The following DPP10 variants were observed in gnomAD, a reference collection of about 807,000 sequenced individuals.
The protein encoded by DPP10 is inactive dipeptidyl peptidase 10.
DPP10 carries 33 observed loss-of-function variants against 120.9 expected under a neutral mutation model. The observed-to-expected ratio is 0.27, with a 90% CI of 0.21 to 0.37. The LOEUF is 0.37. Among genes scored for constraint, DPP10 ranks in the 10% least tolerant of loss-of-function variants. The pLI, the probability that DPP10 is intolerant of heterozygous loss-of-function variation, is 1.00. For synonymous variants in DPP10, 337 were observed against 326.1 expected, an observed-to-expected ratio of 1.03 and a Z score of -0.36; for missense variants, 816 against 942.8, an observed-to-expected ratio of 0.87 and a Z score of 1.76.
At chr2:115,603,150 G>GTGTGTGTGTGTGTA (rs1553459656) in intron 5 of DPP10, among the ~76,000 whole-genome samples, 16 of 149,294 alleles carry the variant, frequency 1.1e-4, no homozygotes, top group Non-Finnish European at 1.8e-4. Context: ...GTGTGTGTGT[G>GTGTGTGTGTGTGTA]TGTGTGTGTG....
Position 114,773,263 on chromosome 2 carries a change from A to G in DPP10, c.60+330425A>G, listed in dbSNP as rs116228043. Among the ~76,000 whole-genome samples the G allele has an allele frequency of 4.7e-3, 713 of 152,304 alleles. 5 individuals are homozygous for G. The highest frequency in any genetic ancestry group is 0.016 in the African/African-American group (685 of 41,570). The stretch of plus-strand genomic sequence containing the variant: ...GCACAAGGGAAATTCGAGGAGTGAT[A>G]TGCTTTTTGTCTATCTTAATTGTTA... On this transcript the variant is annotated intron_variant, in intron 1 of 25. Transcript: ENST00000410059.
At chr2:115,446,304 A>G (rs571164088) in intron 3 of DPP10, among the ~76,000 whole-genome samples, 82 of 152,190 alleles carry the variant, frequency 5.4e-4, no homozygotes, top group South Asian at 1.9e-3. Context: ...TCTGCTAGGG[A>G]AATGTGGAAG....
chr2:114,591,554 ATT>A (rs70937292), intron 1 of DPP10, among the ~76,000 whole-genome samples: 53 of 124,512 alleles, frequency 4.3e-4, no homozygotes, highest in South Asian at 1.1e-3. Flanking sequence ...ACCTCTTCCT[ATT>A]TTTTTTTTTT....
chr2:114,999,606 C>T (rs1701308692), intron 1 of DPP10, among the ~76,000 whole-genome samples: 1 of 152,086 alleles, frequency 6.6e-6, no homozygotes, highest in South Asian at 2.1e-4. Flanking sequence ...ATCTTGAGGC[C>T]TTTGTCGGTG....
At chr2:115,680,291 A>G (rs567496614) in intron 5 of DPP10, among the ~76,000 whole-genome samples, 14 of 152,164 alleles carry the variant, frequency 9.2e-5, no homozygotes, top group African/African-American at 3.1e-4. Flanking sequence ...TAAGTAGTCA[A>G]TATTTAGAGT....
chr2:115,208,152 A>G (rs949947862), intron 1 of DPP10, among the ~76,000 whole-genome samples: 1 of 151,672 alleles, frequency 6.6e-6, no homozygotes, highest in African/African-American at 2.4e-5. Context: ...TAGAATCACA[A>G]TCCACATCTC....
chr2:115,661,244 C>T (rs545519556), intron 5 of DPP10, among the ~76,000 whole-genome samples: 1 of 152,294 alleles, frequency 6.6e-6, no homozygotes. Flanking sequence ...CCACCGCGAC[C>T]AGCCTGAAAT....
At chr2:115,093,242 C>T (rs1709428612) in intron 1 of DPP10, among the ~76,000 whole-genome samples, 1 of 152,042 alleles carries the variant, frequency 6.6e-6, no homozygotes, top group Non-Finnish European at 1.5e-5. Flanking sequence ...AATATGAGTG[C>T]TCCTGTTGAA....
At chr2:115,104,010 G>T (rs911787879) in intron 1 of DPP10, among the ~76,000 whole-genome samples, 1 of 151,964 alleles carries the variant, frequency 6.6e-6, no homozygotes, top group Admixed American at 6.5e-5. Flanking sequence ...TTAACACACA[G>T]CCTGGAGGTG....
chr2:115,367,023 T>G (rs1448612335), intron 3 of DPP10, among the ~76,000 whole-genome samples: 1 of 152,036 alleles, frequency 6.6e-6, no homozygotes, highest in East Asian at 1.9e-4. Context: ...CGAAGATATT[T>G]TCTGCAATTT....
rs1171675753 is a variant in DPP10 at position 115,791,298 on chromosome 2, C to G, written c.1642C>G (p.Gln548Glu). 6.2e-7 allele frequency: 1 copy of G among 1,612,088 alleles called. No individual in the cohort carries two copies. Among genetic ancestry groups the G allele is most frequent in the Non-Finnish European group, 8.5e-7 (1 of 1,179,322 alleles). The change falls in exon 19 of 26, where the codon CAG (glutamine) becomes GAG (glutamate). Residue 548 changes from glutamine (Q) to glutamate (E), a missense_variant. Around this residue, in one of 3 missense-constraint regions of DPP10, gnomAD observed 592 missense variants for 649.0 expected, o/e 0.91. Coordinates refer to ENST00000410059, the MANE Select transcript of DPP10 (RefSeq NM_020868.6). ...TCTTTCTTTAAAAGAACTTCCTTTA[C>G]AGTTGTCCCTTCCCAAAGATTTTAT... The part of the protein sequence containing the change: ...LHIDDYELPL[Q>E]LSLPKDFMDR...
At chr2:115,684,549 A>G (rs546628066) in intron 5 of DPP10, among the ~76,000 whole-genome samples, 1 of 151,968 alleles carries the variant, frequency 6.6e-6, no homozygotes, top group South Asian at 2.1e-4. Flanking sequence ...GTTTGATTCC[A>G]TGGCAAATCC....
intron 1 of DPP10, among the ~76,000 whole-genome samples, chr2:114,547,068 A>T (rs1470476605): frequency 6.6e-6 from 1 of 152,246 alleles, no homozygotes; most frequent in East Asian, 1.9e-4. Context: ...GCTGTGTATC[A>T]GCCCCGCATC....
intron 1 of DPP10, among the ~76,000 whole-genome samples, chr2:114,946,706 T>A (rs1697370705): frequency 6.6e-6 from 1 of 152,036 alleles, no homozygotes; most frequent in Non-Finnish European, 1.5e-5. Flanking sequence ...CATTTAGGAT[T>A]TTTTTTGTTC....
intron 1 of DPP10, among the ~76,000 whole-genome samples, chr2:114,482,443 A>G (rs750909981): frequency 2.6e-5 from 4 of 152,178 alleles, no homozygotes; most frequent in Admixed American, 6.6e-5. Context: ...CGTATCAGTT[A>G]TCTATTGCTA....
At position 115,422,356 on chromosome 2, in the gene DPP10, G is replaced by C. The variant is rs899995216; in HGVS notation, c.272-77154G>C. On this transcript the variant is annotated intron_variant, in intron 3 of 25. Coordinates refer to ENST00000410059, the MANE Select transcript of DPP10 (RefSeq NM_020868.6). ...TGTTTCAACCTGGGAAGTTTTAGAA[G>C]TTATTTCTATCTGGGCATTTTCTTA... Among the ~76,000 whole-genome samples the C allele has an allele frequency of 1.6e-4, 25 of 152,174 alleles. 1 individual carries two copies. The highest frequency in any genetic ancestry group is 2.9e-5 in the Non-Finnish European group (2 of 68,028).
intron 4 of DPP10, among the ~76,000 whole-genome samples, chr2:115,509,997 A>G (rs1273019627): frequency 1.3e-5 from 2 of 152,094 alleles, no homozygotes; most frequent in Admixed American, 6.6e-5. Flanking sequence ...GATCATTTGT[A>G]TATCTTTGTT....
intron 1 of DPP10, among the ~76,000 whole-genome samples, chr2:115,260,268 G>C (rs994786481): frequency 3.3e-5 from 5 of 152,040 alleles, no homozygotes; most frequent in Non-Finnish European, 5.9e-5. Context: ...ATATCAGACT[G>C]TTTTACATAG....
chr2:115,840,650 G>T, intron 24 of DPP10, 100 bp from the exon 25 acceptor site: 1 of 1,214,246 alleles, frequency 8.2e-7, no homozygotes. Flanking sequence ...AATGTGCAAT[G>T]TATGTAAAAT....
Sources: allele counts gnomAD v4.1 joint callset (sites outside exome capture counted in the v4.1 genomes callset), GRCh38; gene constraint gnomAD v4.1.1; regional missense constraint gnomAD v4.1.1; transcripts MANE v1.5; gene names NCBI Gene and HGNC (gene_info 2026-07-23, HGNC 2026-07-21).